The following ZFHX3 variants were observed in gnomAD, a reference collection of about 807,000 sequenced individuals.
ZFHX3 encodes the protein zinc finger homeobox 3.
ZFHX3 carries 42 observed loss-of-function variants against 279.1 expected under a neutral mutation model. The ratio of observed to expected loss-of-function variants is 0.15; its 90% CI spans 0.12 to 0.19. The LOEUF (loss-of-function observed/expected upper bound fraction) is 0.19. ZFHX3 is among the 10% of genes least tolerant of loss of function. The pLI is 1.00. For synonymous variants in ZFHX3, 2,293 were observed against 1,957.8 expected, an observed-to-expected ratio of 1.17 and a Z score of -4.52; for missense variants, 4,981 against 4,754.0, an observed-to-expected ratio of 1.05 and a Z score of -1.40.
intron 1 of ZFHX3, among the ~76,000 whole-genome samples, chr16:73,835,766 C>T (rs1450227739): frequency 2.6e-5 from 4 of 152,144 alleles, no homozygotes; most frequent in South Asian, 2.1e-4. Context: ...CCACCACGCC[C>T]GGCCTCCACT....
At chr16:73,535,882 C>T (rs998344743) in intron 2 of ZFHX3, among the ~76,000 whole-genome samples, 3 of 151,866 alleles carry the variant, frequency 2.0e-5, no homozygotes, top group Non-Finnish European at 4.4e-5. Context: ...CCCACTATGC[C>T]CGGCTAATTT....
chr16:73,268,520 G>T (rs963238817), intron 4 of ZFHX3, among the ~76,000 whole-genome samples: 1 of 152,188 alleles, frequency 6.6e-6, no homozygotes, highest in Non-Finnish European at 1.5e-5. Flanking sequence ...AATGGCTCTG[G>T]CATCTGTTTT....
intron 8 of ZFHX3, 79 bp from the exon 9 acceptor site, chr16:72,798,793 T>C (rs2143472192): frequency 6.7e-7 from 1 of 1,481,642 alleles, no homozygotes; most frequent in Non-Finnish European, 8.9e-7. Flanking sequence ...GCGGTCTACC[T>C]AGTCAGGCCT....
At chr16:73,326,729 C>G (rs912197290) in intron 3 of ZFHX3, among the ~76,000 whole-genome samples, 2 of 152,150 alleles carry the variant, frequency 1.3e-5, no homozygotes, top group Admixed American at 6.5e-5. Context: ...ACTAAACACT[C>G]TTGAATCCTA....
intron 1 of ZFHX3, among the ~76,000 whole-genome samples, chr16:73,783,411 C>T (rs1281836573): frequency 1.3e-5 from 2 of 152,220 alleles, no homozygotes; most frequent in Non-Finnish European, 2.9e-5. Flanking sequence ...CTCCTTTACA[C>T]AAGTCTCCAC....
At chr16:73,558,877 T>C (rs754092404) in intron 2 of ZFHX3, among the ~76,000 whole-genome samples, 70 of 149,584 alleles carry the variant, frequency 4.7e-4, no homozygotes, top group Non-Finnish European at 8.9e-5. Context: ...CATGCCCAGC[T>C]CACTTTTTTT....
In ZFHX3 at chr16:72,882,395, C is replaced by A. The variant is rs1176239509; in HGVS notation, c.3448+7336G>T. ...ATATGCTGAAACAACACGCACAAAACCCTGGTAGCTTCATCATCCCAGAAA... is the reference window on the plus strand; with the variant it reads ...ATATGCTGAAACAACACGCACAAAAACCTGGTAGCTTCATCATCCCAGAAA... On this transcript the variant is annotated intron_variant, in intron 4 of 9. Transcript: ENST00000268489. 5.9e-5 allele frequency among the ~76,000 whole-genome samples: 9 copies of A among 152,272 alleles called. No individual in the cohort carries two copies. In the South Asian group the frequency reaches 1.2e-3, roughly 21 times the overall value.
chr16:73,022,421 G>C (rs1964333096), intron 1 of ZFHX3, among the ~76,000 whole-genome samples: 1 of 152,112 alleles, frequency 6.6e-6, no homozygotes, highest in South Asian at 2.1e-4. Context: ...TACGGAGCCG[G>C]GAGTTTGAGG....
rs149528546 is a variant in ZFHX3 at position 72,954,359 on chromosome 16, A to G, written c.2719+3068T>C. Among the ~76,000 whole-genome samples, 1,092 of 152,292 alleles carry G rather than the reference A, an allele frequency of 7.2e-3. 22 individuals carry two copies. Among genetic ancestry groups the G allele is most frequent in the African/African-American group, 0.025 (1,030 of 41,554 alleles). ...CACTCCAGCCTGGGCGACAAGAGTG[A>G]AACTCCATCTCAAAAAAAAGAAATG... On this transcript the variant is annotated intron_variant, in intron 2 of 9. Transcript: ENST00000268489.
At chr16:73,498,094 G>C (rs990111166) in intron 2 of ZFHX3, among the ~76,000 whole-genome samples, 6 of 152,160 alleles carry the variant, frequency 3.9e-5, no homozygotes, top group Non-Finnish European at 7.4e-5. Flanking sequence ...TGTAAACATT[G>C]AGTTGTGAGT....
intron 7 of ZFHX3, chr16:72,807,252 GC>G (rs1347315626): frequency 1.3e-5 from 2 of 152,180 alleles, no homozygotes; most frequent in African/African-American, 2.4e-5. Flanking sequence ...TTGTGGAGGG[GC>G]CCTTGTCTCA....
At chr16:73,213,459 A>G (rs1477768906) in intron 5 of ZFHX3, among the ~76,000 whole-genome samples, 2 of 152,228 alleles carry the variant, frequency 1.3e-5, no homozygotes, top group Middle Eastern at 3.2e-3. Context: ...TCGGTTTTCA[A>G]TAGTAGTTTG....
intron 3 of ZFHX3, among the ~76,000 whole-genome samples, chr16:73,419,710 A>T (rs2017677201): frequency 6.6e-6 from 1 of 151,840 alleles, no homozygotes. Context: ...AGCCTCTCAA[A>T]TAGCTGGGAT....
chr16:73,621,293 G>C (rs910580121), intron 2 of ZFHX3, among the ~76,000 whole-genome samples: 1 of 152,072 alleles, frequency 6.6e-6, no homozygotes, highest in Non-Finnish European at 1.5e-5. Context: ...TCTAGGTCTC[G>C]ATAAAATGCT....
intron 5 of ZFHX3, among the ~76,000 whole-genome samples, chr16:73,170,223 G>GTTCTTTTTTT (rs1967487339): frequency 1.7e-5 from 1 of 57,718 alleles, no homozygotes; most frequent in African/African-American, 7.3e-5. Context: ...CCTTTCACTA[G>GTTCTTTTTTT]TTTTTTTTTT....
intron 2 of ZFHX3, among the ~76,000 whole-genome samples, chr16:73,514,863 C>A (rs1425981645): frequency 6.6e-6 from 1 of 152,112 alleles, no homozygotes; most frequent in Non-Finnish European, 1.5e-5. Flanking sequence ...ATGTGCCTGA[C>A]CTATTTACCA....
intron 7 of ZFHX3, among the ~76,000 whole-genome samples, chr16:73,119,020 C>T (rs1157332365): frequency 6.6e-6 from 1 of 152,184 alleles, no homozygotes; most frequent in Non-Finnish European, 1.5e-5. Context: ...AGGGTGGGCA[C>T]TGTGTCCTGG....
At position 73,133,211 on chromosome 16, in the gene ZFHX3, G is replaced by C. The variant is rs891883515; in HGVS notation, c.-1023-2117C>G. Among the ~76,000 whole-genome samples the C allele has an allele frequency of 3.9e-5, 6 of 152,316 alleles. 1 individual carries two copies. In the South Asian group the frequency reaches 1.0e-3, roughly 26 times the overall value. On this transcript the variant is annotated intron_variant, in intron 6 of 17. Transcript: ENST00000641206. ...GTATCCCAGAATGTGACTGTATTTA[G>C]AGATAAGACCTTTAAAGAGGTAATT...
At chr16:73,712,828 G>A (rs942783548) in intron 1 of ZFHX3, among the ~76,000 whole-genome samples, 1 of 152,182 alleles carries the variant, frequency 6.6e-6, no homozygotes, top group African/African-American at 2.4e-5. Flanking sequence ...ACAACATAAA[G>A]GACACCCCAG....
Sources: gnomAD v4.1 joint callset for allele counts (sites outside exome capture counted in the v4.1 genomes callset) on GRCh38, gnomAD v4.1.1 for gene constraint, MANE v1.5 for transcripts, NCBI Gene and HGNC (gene_info 2026-07-23, HGNC 2026-07-21) for gene names.